The following ST18 variants were observed in gnomAD, a reference collection of about 807,000 sequenced individuals.
ST18 encodes suppression of tumorigenicity 18 protein.
ST18 carries 50 observed loss-of-function variants against 110.0 expected under a neutral mutation model. The observed-to-expected ratio is 0.45, with a 90% CI of 0.36 to 0.58. The LOEUF is 0.58. Ranked by LOEUF, ST18 falls within the 20% of genes least tolerant of loss-of-function variation. The probability of loss-of-function intolerance (pLI) is 0.00; values close to 1 mark genes in which losing one functional copy is unlikely to be tolerated. For missense variants in ST18, 1,306 were observed against 1,280.1 expected (o/e 1.02, Z -0.31); for synonymous variants, 461 against 452.4 (o/e 1.02, Z -0.24).
At chr8:52,208,756 T>G (rs1023556151) in intron 8 of ST18, among the ~76,000 whole-genome samples, 2 of 152,182 alleles carry the variant, frequency 1.3e-5, no homozygotes, top group African/African-American at 2.4e-5. Flanking sequence ...AGGCGGAGCT[T>G]GCAGTGAGCC....
intron 2 of ST18, among the ~76,000 whole-genome samples, chr8:52,253,553 G>A (rs922183745): frequency 6.6e-6 from 1 of 151,942 alleles, no homozygotes; most frequent in African/African-American, 2.4e-5. Flanking sequence ...TAAATTTCCT[G>A]GGGACCTCCC....
chr8:52,369,573 C>T lies in ST18; in HGVS notation c.-465+39755G>A, dbSNP rs139694152. 3.6e-3 allele frequency among the ~76,000 whole-genome samples: 543 copies of T among 152,292 alleles called. 3 individuals are homozygous for T. The highest frequency in any genetic ancestry group is 0.012 in the African/African-American group (518 of 41,540). ...AAATACACTTCTATCTTGTTTAAGCCACTGTTTTTTTATAAATCTCCATCA... is the reference window on the plus strand; with the variant it reads ...AAATACACTTCTATCTTGTTTAAGCTACTGTTTTTTTATAAATCTCCATCA... On this transcript the variant is annotated intron_variant, in intron 2 of 25. Transcript: ENST00000689386.
At chr8:52,389,841 G>A (rs1266178305) in intron 2 of ST18, among the ~76,000 whole-genome samples, 2 of 152,204 alleles carry the variant, frequency 1.3e-5, no homozygotes, top group Non-Finnish European at 2.9e-5. Context: ...CCAGAGACCG[G>A]GTAGTGGCGC....
intron 2 of ST18, among the ~76,000 whole-genome samples, chr8:52,251,075 G>A (rs951891666): frequency 1.3e-5 from 2 of 152,114 alleles, no homozygotes; most frequent in Admixed American, 1.3e-4. Flanking sequence ...GAGAAGTTGG[G>A]AGAAGACTAC....
In ST18 at chr8:52,166,983, G is replaced by C; in HGVS notation, c.1073C>G (p.Ser358Ter). Residue 358 changes from serine to a stop codon, truncating the protein, a stop_gained, in exon 11 of 26, where the codon TCA becomes TGA. Coordinates refer to ENST00000689386, the MANE Select transcript of ST18 (RefSeq NM_001352837.2). LOFTEE classifies it high-confidence loss of function. ...GGTCTCCCTCTTTTCAGGCCTTGGT[G>C]AATCTATGGAGAAATTCAATTGAGA... ...GGRQIFNNKH[S>*]PRPEKRETKC... The C allele has an allele frequency of 6.2e-7, 1 of 1,605,358 alleles. No homozygotes were observed. The highest frequency in any genetic ancestry group is 8.5e-7 in the Non-Finnish European group (1 of 1,174,500).
chr8:52,290,095 C>T (rs16917636), intron 2 of ST18, among the ~76,000 whole-genome samples: 12,109 of 152,078 alleles, frequency 0.08, 563 homozygotes, highest in East Asian at 0.13. Flanking sequence ...GATCCATGTC[C>T]CTCCTCACAT....
At chr8:52,356,392 A>G (rs1471341683) in intron 2 of ST18, among the ~76,000 whole-genome samples, 5 of 152,318 alleles carry the variant, frequency 3.3e-5, no homozygotes, top group African/African-American at 1.2e-4. Context: ...TTCAGCGGCC[A>G]CACATACACA....
chr8:52,118,300 G>GA (rs753869404), intron 24 of ST18, 38 bp downstream of exon 24: 2 of 1,355,380 alleles, frequency 1.5e-6, no homozygotes, highest in Non-Finnish European at 2.1e-6. Flanking sequence ...CAAAGATTAT[G>GA]ATTACATTAA....
At chr8:52,249,701 G>A (rs1022689554) in intron 2 of ST18, among the ~76,000 whole-genome samples, 6 of 151,902 alleles carry the variant, frequency 3.9e-5, no homozygotes, top group Non-Finnish European at 1.5e-5. Context: ...AGAATACTGA[G>A]GTATCTTACG....
chr8:52,200,252 T>C (rs2077512199), intron 8 of ST18, among the ~76,000 whole-genome samples: 1 of 152,176 alleles, frequency 6.6e-6, no homozygotes, highest in African/African-American at 2.4e-5. Context: ...GTGACAAATT[T>C]TTTTCATAAA....
intron 23 of ST18, 97 bp from the exon 24 acceptor site, chr8:52,118,538 T>C: frequency 4.5e-6 from 3 of 665,606 alleles, no homozygotes; most frequent in Non-Finnish European, 7.3e-6. Context: ...AAATGAGACT[T>C]TCATTTAGTG....
chr8:52,150,099 C>A (rs1563703667), intron 15 of ST18, 122 bp from the exon 16 acceptor site: 5 of 1,350,946 alleles, frequency 3.7e-6, no homozygotes, highest in Admixed American at 2.4e-5. Flanking sequence ...GCTTTTAAAT[C>A]TAGCTTTCTG....
At chr8:52,195,178 G>A (rs138185742) in intron 8 of ST18, among the ~76,000 whole-genome samples, 1 of 152,078 alleles carries the variant, frequency 6.6e-6, no homozygotes, top group Non-Finnish European at 1.5e-5. Flanking sequence ...GGATGTACCC[G>A]GAAGAGCAGA....
At chr8:52,406,107 CAAAAT>C (rs1428512978) in intron 2 of ST18, 1 of 152,030 alleles carries the variant, frequency 6.6e-6, no homozygotes, top group Non-Finnish European at 1.5e-5. Context: ...AGACAAGAGT[CAAAAT>C]AAAGGGGAAA....
intron 8 of ST18, among the ~76,000 whole-genome samples, chr8:52,185,056 G>A (rs1166166649): frequency 6.6e-6 from 1 of 152,032 alleles, no homozygotes; most frequent in Non-Finnish European, 1.5e-5. Flanking sequence ...TATGTTTGAG[G>A]AAAATCCAAA....
intron 2 of ST18, among the ~76,000 whole-genome samples, chr8:52,286,520 T>C (rs1228012823): frequency 2.6e-5 from 4 of 152,062 alleles, no homozygotes; most frequent in Non-Finnish European, 4.4e-5. Context: ...ATTCTTACCA[T>C]CATTATGATC....
At chr8:52,186,009 C>T (rs1207408093) in intron 8 of ST18, among the ~76,000 whole-genome samples, 3 of 152,158 alleles carry the variant, frequency 2.0e-5, no homozygotes, top group Non-Finnish European at 4.4e-5. Flanking sequence ...ATTAACATTC[C>T]ATTTCTCCAT....
At chr8:52,355,117 A>G (rs933332786) in intron 2 of ST18, among the ~76,000 whole-genome samples, 13 of 152,160 alleles carry the variant, frequency 8.5e-5, no homozygotes, top group African/African-American at 1.2e-4. Context: ...GGGTTCCTGC[A>G]GACACAAGTG....
At chr8:52,366,459 G>C (rs983861024) in intron 2 of ST18, among the ~76,000 whole-genome samples, 2 of 152,100 alleles carry the variant, frequency 1.3e-5, no homozygotes, top group African/African-American at 4.8e-5. Flanking sequence ...CTGCCCCTCT[G>C]TCCAGCCTCA....
Sources: allele counts gnomAD v4.1 joint callset (sites outside exome capture counted in the v4.1 genomes callset), GRCh38; gene constraint gnomAD v4.1.1; transcripts MANE v1.5; gene names NCBI Gene and HGNC (gene_info 2026-07-23, HGNC 2026-07-21).